Variants in NHSL1 observed in about 807,000 individuals in gnomAD.
NHSL1 encodes the protein NHS like 1.
Under a neutral mutation model 95.0 loss-of-function variants are expected in NHSL1, and 48 were observed. That is an observed-to-expected ratio of 0.51 (90% CI 0.40 to 0.64). The LOEUF (loss-of-function observed/expected upper bound fraction) is 0.64, where lower values mean the gene tolerates loss of function less well. NHSL1 is among the 30% of genes least tolerant of loss of function. NHSL1 has a pLI of 0.00. For missense variants in NHSL1, 1,971 were observed against 2,077.7 expected, an observed-to-expected ratio of 0.95 and a Z score of 1.00; for synonymous variants, 783 against 833.9, an observed-to-expected ratio of 0.94 and a Z score of 1.05.
At chr6:138,571,851 G>A (rs1474881201) in exon 1 of NHSL1, 2 of 1,551,794 alleles carry the variant, frequency 1.3e-6, no homozygotes, top group East Asian at 2.4e-5. Flanking sequence ...CTTACAGCAC[G>A]TGAGAGAGAA....
Position 138,431,966 on chromosome 6 carries a change from CG to C in NHSL1, c.2378del (p.Pro793ArgfsTer77). On this transcript the variant is annotated frameshift_variant, in exon 6 of 8. Transcript: ENST00000343505. LOFTEE classifies it high-confidence loss of function. The surrounding 1 kb of genome is among the most constrained non-coding windows in gnomAD (Gnocchi z 4.0). The part of the protein sequence containing the change: ...YIDYTGMQED[P>X]GNPAGGCSTS... ...TTGAACAGCCCCCTGCCGGGTTCCC[CG>C]GATCTTCCTGCATGCCCGTGTAGTC... is the stretch of plus-strand genomic sequence containing the variant. 1 of 1,551,756 alleles carries C rather than the reference CG, an allele frequency of 6.4e-7. No homozygotes were observed. The highest frequency in any genetic ancestry group is 8.7e-7 in the Non-Finnish European group (1 of 1,147,000).
At chr6:138,522,837 A>G (rs1435567095) in intron 1 of NHSL1, among the ~76,000 whole-genome samples, 1 of 151,974 alleles carries the variant, frequency 6.6e-6, no homozygotes, top group Non-Finnish European at 1.5e-5. Flanking sequence ...TTTCTCTTTG[A>G]GCTCTCTTAA....
intron 1 of NHSL1, among the ~76,000 whole-genome samples, chr6:138,684,394 T>C (rs1302887128): frequency 6.6e-6 from 1 of 152,016 alleles, no homozygotes; most frequent in Non-Finnish European, 1.5e-5. Context: ...AAGCCTGTAA[T>C]CCCAGCACTT....
At chr6:138,429,070 G>T (rs989573941) in intron 7 of NHSL1, among the ~76,000 whole-genome samples, 2 of 152,184 alleles carry the variant, frequency 1.3e-5, no homozygotes, top group Admixed American at 6.5e-5. Context: ...CATATAAAAA[G>T]TGTAACAGTT....
At chr6:138,683,262 G>A (rs1785536907) in intron 1 of NHSL1, among the ~76,000 whole-genome samples, 3 of 152,190 alleles carry the variant, frequency 2.0e-5, no homozygotes, top group Non-Finnish European at 2.9e-5. Context: ...CCAACCAGAG[G>A]TATTTTTGTG....
rs571214256 is a variant in NHSL1, at chr6:138,528,355, G to T, written c.16+17268C>A. 3.9e-5 allele frequency among the ~76,000 whole-genome samples: 6 copies of T among 152,172 alleles called. No individual in the cohort carries two copies. The South Asian group carries it at 1.2e-3, about 32-fold the overall frequency. On this transcript the variant is annotated intron_variant, in intron 1 of 4. Coordinates refer to the NHSL1 transcript ENST00000342260. ...ATCTTTAGAAGAAAAAAAAAATCAA[G>T]GCAGATATGAGTTGACAACTGTACC... is the stretch of plus-strand genomic sequence containing the variant.
chr6:138,481,148 G>A (rs570720590), intron 2 of NHSL1, among the ~76,000 whole-genome samples: 2 of 152,250 alleles, frequency 1.3e-5, no homozygotes, highest in South Asian at 2.1e-4. Context: ...GCTGAATGAA[G>A]TATTGTATAG....
intron 1 of NHSL1, among the ~76,000 whole-genome samples, chr6:138,505,652 C>CAAA (rs10559023): frequency 3.4e-5 from 3 of 87,678 alleles, no homozygotes; most frequent in East Asian, 3.3e-4. Flanking sequence ...GACTCCATTT[C>CAAA]AAAAAAAAAA....
chr6:138,584,027 G>T (rs886846512), intron 1 of NHSL1, among the ~76,000 whole-genome samples: 26 of 152,178 alleles, frequency 1.7e-4, no homozygotes, highest in Admixed American at 1.7e-3. Flanking sequence ...GCTGAGGCAG[G>T]AAGATCATGT....
intron 3 of NHSL1, among the ~76,000 whole-genome samples, chr6:138,464,720 T>C (rs930719748): frequency 4.1e-5 from 6 of 145,262 alleles, no homozygotes; most frequent in South Asian, 4.3e-4. Flanking sequence ...CTTTTCTTTT[T>C]TTTTTTTTTT....
intron 2 of NHSL1, among the ~76,000 whole-genome samples, chr6:138,492,532 C>T (rs552630923): frequency 6.6e-6 from 1 of 152,182 alleles, no homozygotes; most frequent in Non-Finnish European, 1.5e-5. Context: ...CTATTATCTG[C>T]TTTTATGTAC....
At chr6:138,683,585 T>C (rs1383434224) in intron 1 of NHSL1, among the ~76,000 whole-genome samples, 1 of 152,280 alleles carries the variant, frequency 6.6e-6, no homozygotes, top group African/African-American at 2.4e-5. Flanking sequence ...TCTTGTTTTT[T>C]CCTCAGATAT....
At chr6:138,519,184 A>G (rs1781575388) in intron 1 of NHSL1, among the ~76,000 whole-genome samples, 1 of 152,104 alleles carries the variant, frequency 6.6e-6, no homozygotes. Flanking sequence ...GAAAAAAAAA[A>G]GCCTTACCAT....
intron 1 of NHSL1, among the ~76,000 whole-genome samples, chr6:138,543,968 T>G (rs932064006): frequency 6.6e-6 from 1 of 152,178 alleles, no homozygotes; most frequent in African/African-American, 2.4e-5. Flanking sequence ...ACGTTTGAGT[T>G]TTTAAAATTT....
At chr6:138,572,385 C>T in exon 1 of NHSL1, 1 of 154,102 alleles carries the variant, frequency 6.5e-6, no homozygotes, top group Non-Finnish European at 1.4e-5. Flanking sequence ...TAACTCCTCA[C>T]CCTAGAGAAA....
chr6:138,491,741 T>C (rs1780088838), intron 2 of NHSL1, among the ~76,000 whole-genome samples: 1 of 152,260 alleles, frequency 6.6e-6, no homozygotes, highest in South Asian at 2.1e-4. Context: ...TGGGTAAATG[T>C]TGAGTATCTC....
intron 1 of NHSL1, among the ~76,000 whole-genome samples, chr6:138,606,924 C>T (rs1006503941): frequency 4.6e-5 from 7 of 151,878 alleles, no homozygotes; most frequent in Non-Finnish European, 8.8e-5. Flanking sequence ...AGGATGGTCT[C>T]GATCTCCTGA....
In NHSL1 at chr6:138,432,185, G is replaced by A; in HGVS notation, c.2160C>T (p.Pro720=). ...LSLPGKSGSS[P]SQSPCSDLEE... is the part of the protein sequence containing the mutation. Reference sequence around the variant, plus strand: ...CCAAGTCACTGCAGGGGCTCTGGGAGGGCGAGCTGCCACTCTTGCCTGGGA... The same window carrying A: ...CCAAGTCACTGCAGGGGCTCTGGGAAGGCGAGCTGCCACTCTTGCCTGGGA... The change falls in exon 6 of 8, where the codon CCC becomes CCT. Residue 720 remains proline, a synonymous_variant. Coordinates refer to ENST00000343505, the MANE Select transcript of NHSL1 (RefSeq NM_001144060.2). This position sits in a 1 kb window ranked among gnomAD's most constrained non-coding sequence, Gnocchi z 4.4. The A allele has an allele frequency of 6.5e-7, 1 of 1,546,684 alleles. No individual in the cohort carries two copies. The highest frequency in any genetic ancestry group is 8.7e-7 in the Non-Finnish European group (1 of 1,144,206).
In NHSL1 at chr6:138,424,606, G is replaced by A; in HGVS notation, c.4296C>T (p.Thr1432=). 2 of 1,551,632 alleles carry A rather than the reference G, an allele frequency of 1.3e-6. No individual in the cohort carries two copies. Among genetic ancestry groups the A allele is most frequent in the Non-Finnish European group, 1.7e-6 (2 of 1,146,978 alleles). ...TCTCTGCTGCAGACATGCGGGCGCT[G>A]GTGTCTGAACGACTGCCCTTTTTCA... ...LLLKKGSRSD[T]SARMSAAEML... Residue 1432 remains threonine, a synonymous_variant, in exon 8 of 8, where the codon ACC becomes ACT. Transcript: ENST00000343505. This position sits in a 1 kb window ranked among gnomAD's most constrained non-coding sequence, Gnocchi z 5.9.
Sources: gnomAD v4.1 joint callset for allele counts (sites outside exome capture counted in the v4.1 genomes callset) on GRCh38, gnomAD v4.1.1 for gene constraint, Gnocchi (gnomAD v3.1) non-coding constraint, MANE v1.5 for transcripts, NCBI Gene and HGNC (gene_info 2026-07-23, HGNC 2026-07-21) for gene names.